The following QPCT variants were observed in gnomAD, a reference collection of about 807,000 sequenced individuals.
The protein encoded by QPCT is EC.
A neutral mutation model predicts 43.4 loss-of-function variants in QPCT; 44 were observed. The ratio of observed to expected loss-of-function variants is 1.01; its 90% confidence interval spans 0.80 to 1.30. QPCT has a LOEUF of 1.30. Ranked by LOEUF, QPCT falls within the 50% of genes most tolerant of loss-of-function variation. The probability of loss-of-function intolerance (pLI) is 0.00; values close to 1 mark genes in which losing one functional copy is unlikely to be tolerated. For missense variants in QPCT, 526 were observed against 436.5 expected, an observed-to-expected ratio of 1.21 and a Z score of -1.83; for synonymous variants, 168 against 168.4, an observed-to-expected ratio of 1.00 and a Z score of 0.02.
At chr2:37,368,620 T>A (rs1673011527) in intron 4 of QPCT, 2 of 471,096 alleles carry the variant, frequency 4.2e-6, no homozygotes, top group Non-Finnish European at 8.8e-6. Context: ...CTCTCCCTCC[T>A]GTTATCCATT....
intron 2 of QPCT, among the ~76,000 whole-genome samples, chr2:37,354,795 T>C (rs1031699378): frequency 6.6e-6 from 1 of 152,172 alleles, no homozygotes; most frequent in African/African-American, 2.4e-5. Flanking sequence ...TCTAGGTCTG[T>C]GATGCTTACT....
chr2:37,369,794 A>T lies in QPCT; in HGVS notation c.823+10A>T. 1 of 1,533,676 alleles carries T rather than the reference A, an allele frequency of 6.5e-7. No individual in the cohort carries two copies. The highest frequency in any genetic ancestry group is 1.4e-5 in the African/African-American group (1 of 73,158). ...AGACTTCAAGCAATTGGTAAGCACC[A>T]CTGTTATTAATGAATAAAACATCAT... On this transcript the variant is annotated intron_variant, in intron 5 of 6. Coordinates refer to ENST00000338415, the MANE Select transcript of QPCT (RefSeq NM_012413.4).
chr2:37,358,481 C>G (rs949751763), intron 2 of QPCT, among the ~76,000 whole-genome samples: 7 of 145,188 alleles, frequency 4.8e-5, no homozygotes, highest in East Asian at 1.9e-4. Context: ...AACAAAAAAC[C>G]AAGGAACATA....
intron 2 of QPCT, among the ~76,000 whole-genome samples, chr2:37,357,608 A>G (rs180985117): frequency 5.3e-5 from 8 of 152,336 alleles, no homozygotes; most frequent in Admixed American, 4.6e-4. Context: ...GTAAATTTGC[A>G]ATAGAAAAGT....
chr2:37,368,719 A>G, intron 4 of QPCT: 1 of 470,976 alleles, frequency 2.1e-6, no homozygotes, highest in Non-Finnish European at 4.4e-6. Context: ...GAACATATTC[A>G]CAAGAGGAGA....
At chr2:37,348,328 C>T (rs1032054803) in intron 1 of QPCT, among the ~76,000 whole-genome samples, 5 of 152,150 alleles carry the variant, frequency 3.3e-5, no homozygotes, top group Non-Finnish European at 7.4e-5. Context: ...AAAGCCCGCA[C>T]GGCTCTGCTT....
intron 4 of QPCT, among the ~76,000 whole-genome samples, chr2:37,369,223 G>C (rs974079513): frequency 6.6e-6 from 1 of 152,088 alleles, no homozygotes; most frequent in Non-Finnish European, 1.5e-5. Context: ...TCCTGTACAA[G>C]GAATTTTTCT....
At chr2:37,371,648 A>T (rs1310433570) in intron 5 of QPCT, among the ~76,000 whole-genome samples, 1 of 152,050 alleles carries the variant, frequency 6.6e-6, no homozygotes, top group African/African-American at 2.4e-5. Flanking sequence ...TATAATATTC[A>T]TGTAATCTCT....
In QPCT at chr2:37,372,760, A is replaced by G. The variant is rs762558109; in HGVS notation, c.1019A>G (p.Asp340Gly). ...HTMDDNEENL[D>G]ESTIDNLNKI... ...ATGGATGACAATGAAGAAAATTTGGATGAATCAACCATTGACAATCTAAAC... is the reference window on the plus strand; with the variant it reads ...ATGGATGACAATGAAGAAAATTTGGGTGAATCAACCATTGACAATCTAAAC... Residue 340 changes from aspartate (D) to glycine (G), a missense_variant, in exon 7 of 7, where the codon GAT (aspartate) becomes GGT (glycine). Coordinates refer to ENST00000338415, the MANE Select transcript of QPCT (RefSeq NM_012413.4). 1.2e-6 allele frequency: 2 copies of G among 1,613,226 alleles called. No homozygotes were observed. The highest frequency in any genetic ancestry group is 1.3e-5 in the African/African-American group (1 of 74,890).
At chr2:37,353,850 C>T (rs763360039) in intron 2 of QPCT, among the ~76,000 whole-genome samples, 3 of 152,278 alleles carry the variant, frequency 2.0e-5, no homozygotes, top group East Asian at 1.9e-4. Flanking sequence ...AACTGCAAGG[C>T]GCAGGTGCCC....
chr2:37,362,075 G>A (rs565261289), intron 3 of QPCT, among the ~76,000 whole-genome samples: 50 of 152,286 alleles, frequency 3.3e-4, no homozygotes, highest in African/African-American at 1.2e-3. Context: ...TGGATATTAG[G>A]CGAACAGAAT....
intron 2 of QPCT, among the ~76,000 whole-genome samples, chr2:37,354,877 T>C: frequency 6.6e-6 from 1 of 152,184 alleles, no homozygotes; most frequent in East Asian, 1.9e-4. Context: ...CCAGAAATGA[T>C]ATGCATACTT....
intron 2 of QPCT, among the ~76,000 whole-genome samples, chr2:37,355,681 T>A (rs1672726385): frequency 6.6e-6 from 1 of 152,100 alleles, no homozygotes; most frequent in Admixed American, 6.6e-5. Context: ...ATATTTTTAT[T>A]TTGAGGAGAT....
intron 5 of QPCT, 21 bp downstream of exon 5, chr2:37,369,805 T>G: frequency 6.6e-7 from 1 of 1,507,316 alleles, no homozygotes; most frequent in Non-Finnish European, 9.2e-7. Flanking sequence ...CTGTTATTAA[T>G]GAATAAAACA....
intron 3 of QPCT, among the ~76,000 whole-genome samples, chr2:37,360,523 C>T (rs757512579): frequency 5.3e-5 from 8 of 152,142 alleles, no homozygotes; most frequent in Non-Finnish European, 7.4e-5. Flanking sequence ...TCTGATATCA[C>T]TCATAACCAA....
At chr2:37,363,467 A>C (rs1327554170) in intron 3 of QPCT, among the ~76,000 whole-genome samples, 14 of 150,328 alleles carry the variant, frequency 9.3e-5, no homozygotes, top group Non-Finnish European at 5.9e-5. Flanking sequence ...TACAAAAAAA[A>C]AAAAAAAAAA....
intron 5 of QPCT, among the ~76,000 whole-genome samples, chr2:37,371,369 G>A (rs2888464): frequency 0.13 from 16,877 of 132,416 alleles, 1,618 homozygotes; most frequent in East Asian, 0.44. Flanking sequence ...TTGTATAAGA[G>A]AAAGCAGTGA....
intron 2 of QPCT, among the ~76,000 whole-genome samples, chr2:37,358,178 C>T (rs1041644910): frequency 6.7e-6 from 1 of 149,370 alleles, no homozygotes; most frequent in African/African-American, 2.5e-5. Context: ...TTTGGGAGGC[C>T]GAGGCGGATG....
chr2:37,351,965 G>A (rs1385663321), intron 1 of QPCT, among the ~76,000 whole-genome samples: 7 of 151,670 alleles, frequency 4.6e-5, no homozygotes, highest in African/African-American at 1.5e-4. Flanking sequence ...GGGAGGTGGA[G>A]GTTGCAGTGA....
Sources: gnomAD v4.1 joint callset for allele counts (sites outside exome capture counted in the v4.1 genomes callset) on GRCh38, gnomAD v4.1.1 for gene constraint, MANE v1.5 for transcripts, NCBI Gene and HGNC (gene_info 2026-07-23, HGNC 2026-07-21) for gene names.